The following ST7 variants were observed in gnomAD, a reference collection of about 807,000 sequenced individuals.
ST7 encodes the protein suppression of tumorigenicity 7, also known as suppressor of tumorigenicity 7 protein.
In ST7, 28 loss-of-function variants were observed where a neutral mutation model predicts 78.7. That is an observed-to-expected ratio of 0.36 (90% CI 0.26 to 0.49). The LOEUF is 0.49. Among genes scored for constraint, ST7 ranks in the 20% least tolerant of loss-of-function variants. The pLI is 0.99. For synonymous variants in ST7, 247 were observed against 249.6 expected (o/e 0.99, Z 0.10); for missense variants, 418 against 696.0 (o/e 0.60, Z 4.49).
chr7:117,164,895 T>A (rs984043389), intron 9 of ST7, among the ~76,000 whole-genome samples: 1 of 151,666 alleles, frequency 6.6e-6, no homozygotes, highest in Non-Finnish European at 1.5e-5. Context: ...GTGAGGAGGG[T>A]GTTTGGATGA....
intron 1 of ST7, among the ~76,000 whole-genome samples, chr7:117,060,011 ATTGT>A (rs1192467700): frequency 2.0e-5 from 3 of 151,860 alleles, no homozygotes; most frequent in African/African-American, 7.3e-5. Context: ...ATACCAAGTA[ATTGT>A]TTGTTTTCTT....
In ST7 at chr7:117,050,632, T is replaced by C. The variant is rs565561709; in HGVS notation, c.152-49130T>C. 2.0e-4 allele frequency among the ~76,000 whole-genome samples: 30 copies of C among 152,320 alleles called. No individual in the cohort carries two copies. In the South Asian group the frequency reaches 6.0e-3, roughly 31 times the overall value. On this transcript the variant is annotated intron_variant, in intron 1 of 15. Transcript: ENST00000323984. Reference sequence around the variant, plus strand: ...ATTTTACACATTCATGACACATACCTAACTTAAAAATTCTGAGGCCTGGTG... The same window carrying C: ...ATTTTACACATTCATGACACATACCCAACTTAAAAATTCTGAGGCCTGGTG...
intron 9 of ST7, among the ~76,000 whole-genome samples, chr7:117,169,140 T>C (rs1209268595): frequency 6.7e-6 from 1 of 149,042 alleles, no homozygotes; most frequent in African/African-American, 2.5e-5. Context: ...CTTCTTCCTT[T>C]TTTTTTTTTT....
At chr7:117,141,230 G>C (rs749299840) in intron 9 of ST7, among the ~76,000 whole-genome samples, 5 of 152,128 alleles carry the variant, frequency 3.3e-5, no homozygotes, top group Admixed American at 6.5e-5. Context: ...CTTTCCTAGA[G>C]CAGATTTCAT....
chr7:117,165,610 A>G (rs1402711048), intron 9 of ST7, among the ~76,000 whole-genome samples: 1 of 152,160 alleles, frequency 6.6e-6, no homozygotes, highest in East Asian at 1.9e-4. Flanking sequence ...TAGGTCGGTC[A>G]CTGACCAAGA....
chr7:117,070,416 T>C (rs1037489822), intron 1 of ST7, among the ~76,000 whole-genome samples: 1 of 152,204 alleles, frequency 6.6e-6, no homozygotes, highest in Admixed American at 6.5e-5. Flanking sequence ...AGGGTGGTTG[T>C]CAGGGAATGG....
chr7:117,190,777 G>T lies in ST7; in HGVS notation c.1152-57G>T. 4 of 1,435,552 alleles carry T rather than the reference G, an allele frequency of 2.8e-6. No individual in the cohort carries two copies. The highest frequency in any genetic ancestry group is 3.9e-6 in the Non-Finnish European group (4 of 1,020,492). The allele number at this position is 1,435,552 out of a possible 1,614,324, so 88.9% of individuals were successfully genotyped here. On this transcript the variant is annotated intron_variant, in intron 11 of 15. Transcript: ENST00000323984. This position sits in a 1 kb window ranked among gnomAD's most constrained non-coding sequence, Gnocchi z 5.2. ...GGGCCCTAGATGTGTAGATGCTTCC[G>T]GGTTGATGCCCAAGCAGTGGTCCCA... is the stretch of plus-strand genomic sequence containing the variant.
At chr7:117,014,418 A>C (rs1470614229) in intron 1 of ST7, among the ~76,000 whole-genome samples, 1 of 152,206 alleles carries the variant, frequency 6.6e-6, no homozygotes, top group Non-Finnish European at 1.5e-5. Flanking sequence ...ACTTGGATAA[A>C]TGAGTTGGAG....
chr7:117,148,029 A>G (rs1487382886), intron 9 of ST7, among the ~76,000 whole-genome samples: 2 of 152,086 alleles, frequency 1.3e-5, no homozygotes, highest in African/African-American at 4.8e-5. Context: ...ATTTGTATGT[A>G]TTTACTAGTT....
chr7:117,229,874 C>A lies in ST7; in HGVS notation c.*17C>A. On this transcript the variant is annotated 3_prime_UTR_variant, in exon 16 of 16. Coordinates refer to ENST00000323984, the MANE Select transcript of ST7 (RefSeq NM_001369598.1). ...CGGATCTGAGAGAAGCCCTGTCCTC[C>A]ACTCACCTCACCCGCCGCTGCCACC... is the stretch of plus-strand genomic sequence containing the variant. 6.2e-7 allele frequency: 1 copy of A among 1,602,232 alleles called. No individual in the cohort carries two copies. The highest frequency in any genetic ancestry group is 8.6e-7 in the Non-Finnish European group (1 of 1,169,166).
intron 13 of ST7, 45 bp downstream of exon 13, chr7:117,209,982 G>C (rs1447625254): frequency 3.1e-6 from 5 of 1,595,080 alleles, no homozygotes; most frequent in Non-Finnish European, 4.3e-6. Flanking sequence ...AGCATGAAAA[G>C]GTGCTAAAAT....
chr7:117,029,530 T>G (rs1164887220), intron 1 of ST7, among the ~76,000 whole-genome samples: 3 of 152,162 alleles, frequency 2.0e-5, no homozygotes, highest in African/African-American at 7.2e-5. Context: ...TCTTATAGTC[T>G]GTAGCTTTCC....
chr7:117,221,891 C>T, intron 14 of ST7, 32 bp from the exon 15 acceptor site: 8 of 1,588,568 alleles, frequency 5.0e-6, no homozygotes, highest in Non-Finnish European at 6.8e-6. Flanking sequence ...TTTACTCCAG[C>T]CCTGATATTT....
intron 1 of ST7, among the ~76,000 whole-genome samples, chr7:116,989,032 A>T (rs554808585): frequency 7.9e-5 from 12 of 152,342 alleles, no homozygotes; most frequent in Admixed American, 2.6e-4. Flanking sequence ...CAAGCCACAC[A>T]TGAGCCACAT....
chr7:116,982,594 C>T (rs1426250201), intron 1 of ST7, among the ~76,000 whole-genome samples: 1 of 152,134 alleles, frequency 6.6e-6, no homozygotes, highest in African/African-American at 2.4e-5. Flanking sequence ...AGATTTGGCC[C>T]ATGGGAGCCC....
chr7:117,182,095 T>C (rs1441171447), intron 10 of ST7, among the ~76,000 whole-genome samples: 1 of 152,212 alleles, frequency 6.6e-6, no homozygotes, highest in East Asian at 1.9e-4. Context: ...GGTCAGTATT[T>C]CTAAAAATCA....
chr7:117,174,622 C>T (rs577660265), intron 10 of ST7, among the ~76,000 whole-genome samples: 1 of 152,298 alleles, frequency 6.6e-6, no homozygotes, highest in South Asian at 2.1e-4. Flanking sequence ...ACCACACTTA[C>T]ACTCTTTCTG....
intron 12 of ST7, among the ~76,000 whole-genome samples, chr7:117,202,948 A>G (rs1233224171): frequency 6.6e-6 from 1 of 152,190 alleles, no homozygotes; most frequent in African/African-American, 2.4e-5. Flanking sequence ...CAAGTCCCCC[A>G]GTGGGCCCTG....
intron 3 of ST7, among the ~76,000 whole-genome samples, chr7:117,123,184 A>G (rs966672730): frequency 6.6e-6 from 1 of 152,216 alleles, no homozygotes; most frequent in Non-Finnish European, 1.5e-5. Flanking sequence ...TGAGAAAATC[A>G]TTGAAAAAAG....
Sources: gnomAD v4.1 joint callset for allele counts (sites outside exome capture counted in the v4.1 genomes callset) on GRCh38, gnomAD v4.1.1 for gene constraint, Gnocchi (gnomAD v3.1) non-coding constraint, MANE v1.5 for transcripts, NCBI Gene and HGNC (gene_info 2026-07-23, HGNC 2026-07-21) for gene names.